Variants in FOLR1 observed in about 807,000 individuals in gnomAD.
FOLR1 encodes the protein KB cells FBP.
Under a neutral mutation model 22.8 loss-of-function variants are expected in FOLR1, and 11 were observed. The ratio of observed to expected loss-of-function variants is 0.48; its 90% CI spans 0.30 to 0.80. The LOEUF is 0.80. Ranked by LOEUF, FOLR1 falls within the 30% of genes least tolerant of loss-of-function variation. The pLI is 0.06. For synonymous variants in FOLR1, 108 were observed against 116.5 expected (o/e 0.93, Z 0.47); for missense variants, 273 against 320.3 (o/e 0.85, Z 1.13).
chr11:72,193,696 A>G (rs1034920010), intron 1 of FOLR1, among the ~76,000 whole-genome samples: 2 of 152,052 alleles, frequency 1.3e-5, no homozygotes, highest in Non-Finnish European at 2.9e-5. Flanking sequence ...TCCTCACCTC[A>G]TAATCCGCCC....
chr11:72,194,492 C>T (rs1043456965), intron 1 of FOLR1, among the ~76,000 whole-genome samples: 27 of 152,060 alleles, frequency 1.8e-4, no homozygotes, highest in African/African-American at 2.7e-4. Context: ...CTCCACCTGC[C>T]GGGTTCACAC....
At position 72,195,996 on chromosome 11, in the gene FOLR1, A is replaced by G. The variant is rs765467626; in HGVS notation, c.593A>G (p.Lys198Arg). The G allele has an allele frequency of 1.9e-6, 3 of 1,614,194 alleles. No homozygotes were observed. Among genetic ancestry groups the G allele is most frequent in the Non-Finnish European group, 2.5e-6 (3 of 1,180,032 alleles). Residue 198 changes from lysine (K) to arginine (R), a missense_variant, in exon 4 of 4, where the codon AAG becomes AGG. By Grantham distance (26) the Lys-to-Arg change is conservative (BLOSUM62 2). Coordinates refer to ENST00000393676, the MANE Select transcript of FOLR1 (RefSeq NM_016729.3). ...LCNEIWTHSYKVSNYSRGSGR... is the reference protein window; with the variant it reads ...LCNEIWTHSYRVSNYSRGSGR... Reference sequence around the variant, plus strand: ...AATGAAATCTGGACTCACTCCTACAAGGTCAGCAACTACAGCCGAGGGAGT... The same window carrying G: ...AATGAAATCTGGACTCACTCCTACAGGGTCAGCAACTACAGCCGAGGGAGT...
chr11:72,196,279 T>C lies in FOLR1; in HGVS notation c.*102T>C. On this transcript the variant is annotated 3_prime_UTR_variant, in exon 4 of 4. Coordinates refer to ENST00000393676, the MANE Select transcript of FOLR1 (RefSeq NM_016729.3). Reference sequence around the variant, plus strand: ...CATGGTCGGGCCTCTGACAGCCACTTTGAATAAACCAGACACCGCACATGT... The same window carrying C: ...CATGGTCGGGCCTCTGACAGCCACTCTGAATAAACCAGACACCGCACATGT... 8.2e-7 allele frequency: 1 copy of C among 1,212,800 alleles called. No homozygotes were observed. The allele number at this position is 1,212,800 out of a possible 1,614,324, so 75.1% of individuals were successfully genotyped here.
chr11:72,193,345 A>G (rs1467235301), intron 1 of FOLR1, among the ~76,000 whole-genome samples: 1 of 151,864 alleles, frequency 6.6e-6, no homozygotes, highest in Non-Finnish European at 1.5e-5. Flanking sequence ...AAAGAACGAA[A>G]AAAAGAAAGA....
At position 72,193,723 on chromosome 11, in the gene FOLR1, G is replaced by A. The variant is rs541460794; in HGVS notation, c.168+1382G>A. Among the ~76,000 whole-genome samples the A allele has an allele frequency of 1.1e-4, 17 of 151,632 alleles. No individual in the cohort carries two copies. The East Asian group carries it at 3.3e-3, about 30-fold the overall frequency. On this transcript the variant is annotated intron_variant, in intron 1 of 3. Transcript: ENST00000393676. The stretch of plus-strand genomic sequence containing the variant: ...AATCCGCCCCTCTTGGCCTCCCAAA[G>A]TGCTGAGATTACAGGTGTGAGCCAC...
In FOLR1 at chr11:72,195,896, GGGTTTAACAAGTGCGCAGT is replaced by G; in HGVS notation, c.496_514del (p.Phe166GlufsTer62). On this transcript the variant is annotated frameshift_variant and splice_region_variant, in exon 4 of 4. Coordinates refer to ENST00000393676, the MANE Select transcript of FOLR1 (RefSeq NM_016729.3). LOFTEE classifies it low-confidence loss of function (END_TRUNC). ...CTAAAGGTCTTCCCTCCTCTCTACAGGGTTTAACAAGTGCGCAGTGGGAGCTGCCTGCCAACCTTTCCAT... is the reference window on the plus strand; with the variant it reads ...CTAAAGGTCTTCCCTCCTCTCTACAGGGGAGCTGCCTGCCAACCTTTCCAT... The G allele has an allele frequency of 6.2e-7, 1 of 1,614,182 alleles. No homozygotes were observed. The highest frequency in any genetic ancestry group is 8.5e-7 in the Non-Finnish European group (1 of 1,180,030).
upstream of FOLR1, among the ~76,000 whole-genome samples, chr11:72,189,990 G>T (rs190961412): frequency 7.2e-4 from 110 of 152,062 alleles, no homozygotes; most frequent in Middle Eastern, 3.4e-3. Flanking sequence ...CCAGAGCTGA[G>T]TTCTCAGCTC....
chr11:72,195,197 C>T, intron 1 of FOLR1, 74 bp from the exon 2 acceptor site: 1 of 1,377,138 alleles, frequency 7.3e-7, no homozygotes, highest in Non-Finnish European at 1.0e-6. Context: ...AGAGGGGAGA[C>T]ACTGCATGTG....
intron 1 of FOLR1, among the ~76,000 whole-genome samples, chr11:72,192,843 C>T (rs1297391391): frequency 6.6e-6 from 1 of 151,936 alleles, no homozygotes; most frequent in Admixed American, 6.6e-5. Flanking sequence ...GTGATCCTCC[C>T]ACCTCAGCCT....
At position 72,195,363 on chromosome 11, in the gene FOLR1, C is replaced by T. The variant is rs375444839; in HGVS notation, c.261C>T (p.Asn87=). 2.4e-4 allele frequency: 383 copies of T among 1,614,202 alleles called. 4 individuals carry two copies. In the South Asian group the frequency reaches 3.9e-3, roughly 16 times the overall value. ...DVSYLYRFNW[N]HCGEMAPACK... is the part of the protein sequence containing the mutation. ...CCTACCTATATAGATTCAACTGGAA[C>T]CACTGTGGAGAGATGGCACCTGCCT... The change falls in exon 2 of 4, where the codon AAC becomes AAT. Residue 87 remains asparagine (N), a synonymous_variant. Coordinates refer to ENST00000393676, the MANE Select transcript of FOLR1 (RefSeq NM_016729.3).
chr11:72,191,883 AC>A (rs1448276643), upstream of FOLR1, among the ~76,000 whole-genome samples: 8 of 152,176 alleles, frequency 5.3e-5, no homozygotes, highest in Admixed American at 5.2e-4. Context: ...GGCATTGTGG[AC>A]CTATGGCAAA....
upstream of FOLR1, chr11:72,192,128 G>A (rs113814612): frequency 6.5e-5 from 105 of 1,611,712 alleles, no homozygotes; most frequent in East Asian, 2.7e-4. Context: ...CCCCACCTCC[G>A]CATTCCTTGG....
At chr11:72,191,043 A>G (rs991762136), upstream of FOLR1, among the ~76,000 whole-genome samples, 7 of 152,362 alleles carry the variant, frequency 4.6e-5, no homozygotes, top group African/African-American at 1.7e-4. Context: ...CCTGGTGTCC[A>G]GTGGAGTGAA....
Position 72,192,338 on chromosome 11 carries a change from G to T in FOLR1, c.165G>T (p.Glu55Asp). ...CAGGCCCCGAGGACAAGTTGCATGA[G>T]CAGGTGGGCCAGGGGGTGATCTGGG... ...EKPGPEDKLH[E>D]QCRPWRKNAC... The change falls in exon 1 of 4, where the codon GAG becomes GAT. Residue 55 changes from glutamate (E) to aspartate (D), a missense_variant. Transcript: ENST00000393676. The T allele has an allele frequency of 2.5e-6, 4 of 1,614,018 alleles. No homozygotes were observed. The South Asian group carries it at 4.4e-5, about 18-fold the overall frequency.
chr11:72,190,817 A>T (rs1948147128), upstream of FOLR1, among the ~76,000 whole-genome samples: 2 of 152,226 alleles, frequency 1.3e-5, no homozygotes, highest in African/African-American at 2.4e-5. Context: ...CCTGCTGTGC[A>T]GTCGGCCTGG....
chr11:72,196,238 T>C lies in FOLR1; in HGVS notation c.*61T>C. ...CCTGTTCAGCCCCACAGCTCCCAAC[T>C]ATTTGGTTCCTGCTCCATGGTCGGG... On this transcript the variant is annotated 3_prime_UTR_variant, in exon 4 of 4. Coordinates refer to ENST00000393676, the MANE Select transcript of FOLR1 (RefSeq NM_016729.3). The C allele has an allele frequency of 6.3e-7, 1 of 1,592,596 alleles. No homozygotes were observed. The highest frequency in any genetic ancestry group is 8.6e-7 in the Non-Finnish European group (1 of 1,161,746).
At chr11:72,189,749 T>A (rs1265101248), upstream of FOLR1, 1 of 152,402 alleles carries the variant, frequency 6.6e-6, no homozygotes, top group East Asian at 1.9e-4. Flanking sequence ...GAGAGCCACC[T>A]CCTCTCCCAG....
At chr11:72,192,883 G>A (rs773396014) in intron 1 of FOLR1, among the ~76,000 whole-genome samples, 5 of 151,914 alleles carry the variant, frequency 3.3e-5, no homozygotes, top group South Asian at 2.1e-4. Flanking sequence ...GAAATGAGCC[G>A]TACGCCCTCC....
chr11:72,194,759 T>A (rs985180733), intron 1 of FOLR1, among the ~76,000 whole-genome samples: 9 of 152,232 alleles, frequency 5.9e-5, no homozygotes, highest in African/African-American at 2.2e-4. Context: ...GGTCTCAAAC[T>A]CTTGATCTCA....
Sources: gnomAD v4.1 joint callset for allele counts (sites outside exome capture counted in the v4.1 genomes callset) on GRCh38, gnomAD v4.1.1 for gene constraint, MANE v1.5 for transcripts, NCBI Gene and HGNC (gene_info 2026-07-23, HGNC 2026-07-21) for gene names.